TPH2: variants seen among roughly 807,000 people sequenced by gnomAD.
The protein encoded by TPH2 is tryptophan hydroxylase 2.
TPH2 carries 27 observed loss-of-function variants against 59.1 expected under a neutral mutation model. That is an observed-to-expected ratio of 0.46 (90% confidence interval 0.34 to 0.63). TPH2 has a LOEUF of 0.63. TPH2 is among the 30% of genes least tolerant of loss of function. The pLI is 0.01. For missense variants in TPH2, 523 were observed against 588.3 expected, an observed-to-expected ratio of 0.89 and a Z score of 1.15; for synonymous variants, 220 against 210.5, an observed-to-expected ratio of 1.05 and a Z score of -0.39.
chr12:71,994,344 G>A, intron 7 of TPH2, 95 bp from the exon 8 acceptor site: 1 of 1,366,464 alleles, frequency 7.3e-7, no homozygotes, highest in Non-Finnish European at 1.0e-6. Context: ...ATTAATTACA[G>A]TGACAAGGTC....
chr12:71,959,032 CCTT>C (rs1201362582), intron 5 of TPH2, among the ~76,000 whole-genome samples: 1 of 149,368 alleles, frequency 6.7e-6, no homozygotes, highest in Non-Finnish European at 1.5e-5. Context: ...TTGATTCTAA[CCTT>C]CTATTCTCAT....
chr12:71,968,785 G>A (rs2139200740), intron 5 of TPH2, among the ~76,000 whole-genome samples: 1 of 152,244 alleles, frequency 6.6e-6, no homozygotes, highest in South Asian at 2.1e-4. Flanking sequence ...TGGTACAGGT[G>A]GTACAGGAGG....
intron 6 of TPH2, 79 bp downstream of exon 6, chr12:71,972,794 CT>C: frequency 7.0e-7 from 1 of 1,435,392 alleles, no homozygotes; most frequent in Non-Finnish European, 9.6e-7. Flanking sequence ...AGCAATGGCT[CT>C]TTTTCCAAAA....
At position 71,976,557 on chromosome 12, in the gene TPH2, T is replaced by C. The variant is rs1029916088; in HGVS notation, c.806-2395T>C. 4.6e-5 allele frequency among the ~76,000 whole-genome samples: 7 copies of C among 152,254 alleles called. 1 individual carries two copies. Among genetic ancestry groups the C allele is most frequent in the Non-Finnish European group, 1.0e-4 (7 of 68,046 alleles). On this transcript the variant is annotated intron_variant, in intron 6 of 10. Transcript: ENST00000333850. Reference sequence around the variant, plus strand: ...AAATGTTCCTCTGTGTACTGTTACATATGTCCCACATGTGGGATATACTGG... The same window carrying C: ...AAATGTTCCTCTGTGTACTGTTACACATGTCCCACATGTGGGATATACTGG...
chr12:71,985,824 C>G (rs1001636750), intron 7 of TPH2, among the ~76,000 whole-genome samples: 2 of 152,162 alleles, frequency 1.3e-5, no homozygotes, highest in African/African-American at 4.8e-5. Flanking sequence ...CTTCCAGGCT[C>G]CTTAGAGGCC....
At position 71,941,724 on chromosome 12, in the gene TPH2, G is replaced by T; in HGVS notation, c.246G>T (p.Arg82Ser). 2 of 1,613,972 alleles carry T rather than the reference G, an allele frequency of 1.2e-6. No individual in the cohort carries two copies. Among genetic ancestry groups the T allele is most frequent in the Non-Finnish European group, 1.7e-6 (2 of 1,179,882 alleles). Residue 82 changes from arginine (R) to serine (S), a missense_variant, in exon 2 of 11, where the codon AGG becomes AGT. Arg to Ser is a moderately radical substitution (Grantham distance 110, BLOSUM62 -1). Coordinates refer to ENST00000333850, the MANE Select transcript of TPH2 (RefSeq NM_173353.4). ...TTGGTGGATTGGTAAAAGCACTGAG[G>T]CTCTTTCAGGTGAATGTGAAATATC... The part of the protein sequence containing the change: ...NEVGGLVKAL[R>S]LFQEKRVNMV...
chr12:71,980,687 G>C (rs914867320), intron 7 of TPH2, among the ~76,000 whole-genome samples: 2 of 152,128 alleles, frequency 1.3e-5, no homozygotes, highest in African/African-American at 4.8e-5. Flanking sequence ...CAATGGCCTT[G>C]TTTACAAATA....
intron 6 of TPH2, among the ~76,000 whole-genome samples, chr12:71,976,239 G>A (rs1410695174): frequency 6.6e-6 from 1 of 152,182 alleles, no homozygotes; most frequent in Admixed American, 6.5e-5. Flanking sequence ...AAGGCCTAAT[G>A]TGCCTAACAC....
intron 8 of TPH2, among the ~76,000 whole-genome samples, chr12:72,007,643 G>A (rs1872990379): frequency 6.6e-6 from 1 of 152,108 alleles, no homozygotes; most frequent in African/African-American, 2.4e-5. Context: ...TCCTATGTTA[G>A]TGTCTAACTA....
At chr12:71,973,259 G>A (rs1872024245) in intron 6 of TPH2, among the ~76,000 whole-genome samples, 1 of 152,148 alleles carries the variant, frequency 6.6e-6, no homozygotes, top group South Asian at 2.1e-4. Flanking sequence ...GTCACAGGAT[G>A]AGATAGGAGG....
chr12:72,003,703 G>A (rs1007191579), intron 8 of TPH2, among the ~76,000 whole-genome samples: 2 of 152,096 alleles, frequency 1.3e-5, no homozygotes, highest in African/African-American at 4.8e-5. Flanking sequence ...ATTATGAGGT[G>A]TTTGCCATCT....
chr12:71,988,961 A>G (rs1470119004), intron 7 of TPH2, among the ~76,000 whole-genome samples: 1 of 152,212 alleles, frequency 6.6e-6, no homozygotes, highest in East Asian at 1.9e-4. Context: ...CTAAATTTTA[A>G]GAAAGACAAC....
intron 7 of TPH2, among the ~76,000 whole-genome samples, chr12:71,980,464 A>G (rs1957798296): frequency 1.3e-5 from 2 of 152,132 alleles, no homozygotes; most frequent in South Asian, 4.1e-4. Context: ...GGCTGGCATA[A>G]GGCTCACAGT....
intron 8 of TPH2, among the ~76,000 whole-genome samples, chr12:72,002,429 T>C (rs962045193): frequency 2.0e-4 from 31 of 152,162 alleles, no homozygotes; most frequent in East Asian, 5.8e-4. Flanking sequence ...AAATTAGAAA[T>C]TGGTTTTTTA....
chr12:72,012,934 G>T (rs572763391), intron 8 of TPH2, among the ~76,000 whole-genome samples: 4 of 152,232 alleles, frequency 2.6e-5, no homozygotes, highest in Admixed American at 2.6e-4. Context: ...AACTGAAATG[G>T]CCAGAGTACA....
chr12:72,002,359 G>T (rs1444640490), intron 8 of TPH2, among the ~76,000 whole-genome samples: 7 of 151,968 alleles, frequency 4.6e-5, no homozygotes, highest in African/African-American at 1.7e-4. Context: ...AGACAGAAAG[G>T]GAAGAGAAAG....
chr12:72,031,043 A>G (rs1478932203), intron 9 of TPH2, among the ~76,000 whole-genome samples: 2 of 152,124 alleles, frequency 1.3e-5, no homozygotes, highest in African/African-American at 4.8e-5. Context: ...CACAGTACCT[A>G]GCATACTTAA....
At chr12:71,968,492 C>T (rs914509786) in intron 5 of TPH2, among the ~76,000 whole-genome samples, 1 of 152,178 alleles carries the variant, frequency 6.6e-6, no homozygotes, top group African/African-American at 2.4e-5. Flanking sequence ...CCCCGTGGTA[C>T]ACCATCCTCC....
intron 8 of TPH2, among the ~76,000 whole-genome samples, chr12:72,001,037 T>C (rs922156880): frequency 1.9e-4 from 29 of 152,202 alleles, no homozygotes; most frequent in Admixed American, 1.9e-3. Flanking sequence ...ATTTCTCATA[T>C]CATAAAGGCA....
Sources: gnomAD v4.1 joint callset for allele counts (sites outside exome capture counted in the v4.1 genomes callset) on GRCh38, gnomAD v4.1.1 for gene constraint, MANE v1.5 for transcripts, NCBI Gene and HGNC (gene_info 2026-07-23, HGNC 2026-07-21) for gene names.